LRRC4C: variants seen among roughly 807,000 people sequenced by gnomAD.
The protein encoded by LRRC4C is leucine-rich repeat-containing protein 4C.
A neutral mutation model predicts 33.6 loss-of-function variants in LRRC4C; 5 were observed. The observed-to-expected ratio is 0.15, with a 90% CI of 0.08 to 0.31. The LOEUF (loss-of-function observed/expected upper bound fraction) is 0.31, where lower values mean the gene tolerates loss of function less well. Among genes scored for constraint, LRRC4C ranks in the 10% least tolerant of loss-of-function variants. The pLI is 1.00. For missense variants in LRRC4C, 560 were observed against 796.7 expected, an observed-to-expected ratio of 0.70 and a Z score of 3.58; for synonymous variants, 329 against 302.0, an observed-to-expected ratio of 1.09 and a Z score of -0.93.
intron 1 of LRRC4C, among the ~76,000 whole-genome samples, chr11:41,294,201 C>T (rs1320432254): frequency 1.3e-5 from 2 of 152,166 alleles, no homozygotes; most frequent in Non-Finnish European, 2.9e-5. Context: ...AGAGAATGTA[C>T]TATTCACACA....
chr11:40,664,082 A>ATT (rs1943590459), intron 2 of LRRC4C, among the ~76,000 whole-genome samples: 1 of 152,220 alleles, frequency 6.6e-6, no homozygotes, highest in Non-Finnish European at 1.5e-5. Context: ...ACTTTACTCA[A>ATT]TTATTTCTGC....
intron 2 of LRRC4C, among the ~76,000 whole-genome samples, chr11:40,914,110 C>T (rs762861182): frequency 6.6e-6 from 1 of 152,104 alleles, no homozygotes; most frequent in Non-Finnish European, 1.5e-5. Flanking sequence ...CCAAATTCTA[C>T]CAGAAGTACA....
chr11:40,449,260 T>C (rs1471134868), intron 3 of LRRC4C, among the ~76,000 whole-genome samples: 1 of 151,922 alleles, frequency 6.6e-6, no homozygotes, highest in African/African-American at 2.4e-5. Flanking sequence ...CTCTGCTTCT[T>C]CTAAACATTG....
intron 3 of LRRC4C, among the ~76,000 whole-genome samples, chr11:40,463,344 G>GT (rs1205910771): frequency 3.5e-5 from 5 of 144,850 alleles, no homozygotes; most frequent in East Asian, 2.1e-4. Context: ...GTGTGTGTGT[G>GT]GTTAAAAGAA....
intron 3 of LRRC4C, among the ~76,000 whole-genome samples, chr11:40,544,650 A>C (rs1956847680): frequency 6.6e-6 from 1 of 152,110 alleles, no homozygotes; most frequent in South Asian, 2.1e-4. Context: ...GGTGGCAAAG[A>C]ATCACCAAAT....
At chr11:40,273,083 A>C (rs1942828230) in intron 4 of LRRC4C, among the ~76,000 whole-genome samples, 1 of 152,198 alleles carries the variant, frequency 6.6e-6, no homozygotes, top group South Asian at 2.1e-4. Context: ...CAGATAAATT[A>C]AGTCTTGCTT....
rs145181393 is a variant in LRRC4C, at chr11:41,211,780, G to T, written c.-496+247651C>A. On this transcript the variant is annotated intron_variant, in intron 1 of 6. Transcript: ENST00000528697. The stretch of plus-strand genomic sequence containing the variant: ...AGTCTTTGCTATTGTGAGTAGAGCC[G>T]CAATAAACATACGTGCTCATGTGTC... Among the ~76,000 whole-genome samples the T allele has an allele frequency of 2.5e-4, 38 of 152,200 alleles. 1 individual carries two copies. The East Asian group carries it at 7.3e-3, about 29-fold the overall frequency.
chr11:40,906,887 G>C (rs1956445631), intron 2 of LRRC4C, among the ~76,000 whole-genome samples: 1 of 152,148 alleles, frequency 6.6e-6, no homozygotes, highest in South Asian at 2.1e-4. Flanking sequence ...ATCTCAAAGA[G>C]CTTACAATCT....
chr11:40,524,556 T>G (rs571329178), intron 3 of LRRC4C, among the ~76,000 whole-genome samples: 4 of 152,242 alleles, frequency 2.6e-5, no homozygotes, highest in African/African-American at 4.8e-5. Flanking sequence ...TCAGAAAAAT[T>G]TATTATTAAT....
At chr11:40,733,074 T>G (rs1296832399) in intron 2 of LRRC4C, among the ~76,000 whole-genome samples, 2 of 124,264 alleles carry the variant, frequency 1.6e-5, no homozygotes, top group African/African-American at 3.2e-5. Context: ...TTTTTTTTTT[T>G]TTTTTTTTTT....
chr11:40,614,557 T>G (rs571570887), intron 3 of LRRC4C, among the ~76,000 whole-genome samples: 3 of 131,170 alleles, frequency 2.3e-5, no homozygotes, highest in African/African-American at 7.8e-5. Context: ...CTTGTAATTT[T>G]CTTCAACGAC....
In LRRC4C at chr11:40,579,355, A is replaced by G. The variant is rs141308605; in HGVS notation, c.-270+68787T>C. On this transcript the variant is annotated intron_variant, in intron 3 of 6. Transcript: ENST00000528697. The stretch of plus-strand genomic sequence containing the variant: ...AAAAAAGGAATAGAAAAAAAAGTAC[A>G]TTAAGTAAGAAGTGTTGTGGCTAAG... 5.6e-3 allele frequency among the ~76,000 whole-genome samples: 854 copies of G among 152,070 alleles called. 4 individuals carry two copies. The highest frequency in any genetic ancestry group is 8.5e-3 in the Non-Finnish European group (576 of 67,970).
intron 3 of LRRC4C, among the ~76,000 whole-genome samples, chr11:40,399,441 C>G (rs1949673271): frequency 1.3e-5 from 2 of 151,720 alleles, no homozygotes; most frequent in African/African-American, 4.8e-5. Context: ...GGACAAAAAA[C>G]CAAACACCGC....
At chr11:40,176,642 G>A (rs1860518703) in intron 5 of LRRC4C, among the ~76,000 whole-genome samples, 1 of 151,240 alleles carries the variant, frequency 6.6e-6, no homozygotes, top group African/African-American at 2.4e-5. Context: ...CTTGCCTCAA[G>A]CAATCCTCCA....
At chr11:40,943,433 A>G (rs889949099) in intron 1 of LRRC4C, among the ~76,000 whole-genome samples, 2 of 152,284 alleles carry the variant, frequency 1.3e-5, no homozygotes, top group Non-Finnish European at 2.9e-5. Context: ...AAGAAAAACC[A>G]TTTACCTGCC....
At chr11:40,761,891 T>G (rs765761108) in intron 2 of LRRC4C, among the ~76,000 whole-genome samples, 3 of 152,100 alleles carry the variant, frequency 2.0e-5, no homozygotes, top group Non-Finnish European at 4.4e-5. Flanking sequence ...ATGTCTATTT[T>G]TGGTAGGAGA....
chr11:41,009,053 G>A (rs1479524435), intron 1 of LRRC4C, among the ~76,000 whole-genome samples: 1 of 151,896 alleles, frequency 6.6e-6, no homozygotes, highest in Non-Finnish European at 1.5e-5. Flanking sequence ...TAAAGACATT[G>A]AAAGAAAGAA....
intron 2 of LRRC4C, among the ~76,000 whole-genome samples, chr11:40,795,951 G>C (rs1212679668): frequency 6.6e-6 from 1 of 152,044 alleles, no homozygotes; most frequent in African/African-American, 2.4e-5. Context: ...AATAATTGAG[G>C]GAAAAATGTG....
intron 3 of LRRC4C, among the ~76,000 whole-genome samples, chr11:40,559,574 G>A (rs1373164443): frequency 2.0e-5 from 3 of 152,214 alleles, no homozygotes; most frequent in Middle Eastern, 3.4e-3. Flanking sequence ...TCTGCTTTTA[G>A]CTCTTTGAGG....
Sources: allele counts gnomAD v4.1 joint callset (sites outside exome capture counted in the v4.1 genomes callset), GRCh38; gene constraint gnomAD v4.1.1; transcripts MANE v1.5; gene names NCBI Gene and HGNC (gene_info 2026-07-23, HGNC 2026-07-21).